Variants in OC90 observed in about 807,000 individuals in gnomAD.
OC90 encodes otoconin 90.
OC90 carries 46 observed loss-of-function variants against 47.3 expected under a neutral mutation model. The observed-to-expected ratio is 0.97, with a 90% CI of 0.77 to 1.24. The LOEUF (loss-of-function observed/expected upper bound fraction) is 1.24. OC90 is among the 50% of genes most tolerant of loss of function. The pLI, the probability that OC90 is intolerant of heterozygous loss-of-function variation, is 0.00. For synonymous variants in OC90, 271 were observed against 219.5 expected, an observed-to-expected ratio of 1.23 and a Z score of -2.07; for missense variants, 688 against 583.9, an observed-to-expected ratio of 1.18 and a Z score of -1.84.
At chr8:132,035,865 T>C (rs1161312791) in intron 9 of OC90, among the ~76,000 whole-genome samples, 2 of 152,206 alleles carry the variant, frequency 1.3e-5, no homozygotes, top group Non-Finnish European at 2.9e-5. Flanking sequence ...TCAGAGGATG[T>C]TTGTAAGGGG....
intron 3 of OC90, among the ~76,000 whole-genome samples, chr8:132,045,564 C>T (rs1482256796): frequency 1.3e-5 from 2 of 152,172 alleles, no homozygotes; most frequent in African/African-American, 4.8e-5. Context: ...CTGCCTTCTC[C>T]TGGTTTCCCT....
intron 12 of OC90, among the ~76,000 whole-genome samples, chr8:132,029,946 C>T (rs537646801): frequency 6.6e-6 from 1 of 152,216 alleles, no homozygotes; most frequent in African/African-American, 2.4e-5. Context: ...GAGGCCACAG[C>T]TCCAGCAGGG....
At chr8:132,040,116 C>T (rs557001229) in intron 6 of OC90, among the ~76,000 whole-genome samples, 1 of 152,292 alleles carries the variant, frequency 6.6e-6, no homozygotes, top group African/African-American at 2.4e-5. Flanking sequence ...GTTCACTGTG[C>T]CTCCCACCTA....
chr8:132,045,219 A>G (rs1000542189), intron 3 of OC90, among the ~76,000 whole-genome samples: 1 of 152,210 alleles, frequency 6.6e-6, no homozygotes, highest in East Asian at 1.9e-4. Context: ...ATTACTTTGC[A>G]AGTATGGACT....
At chr8:132,045,007 A>G (rs573439903) in intron 3 of OC90, among the ~76,000 whole-genome samples, 116 of 148,304 alleles carry the variant, frequency 7.8e-4, no homozygotes, top group African/African-American at 2.8e-3. Context: ...GATTGCCGTG[A>G]GGGCTACTCT....
chr8:132,031,807 G>A, intron 12 of OC90, 74 bp downstream of exon 12: 2 of 1,336,434 alleles, frequency 1.5e-6, no homozygotes, highest in Admixed American at 1.9e-5. Context: ...GTGTCCAGGA[G>A]GGCTGTCACC....
At position 132,041,508 on chromosome 8, in the gene OC90, C is replaced by G. The variant is rs1161140249; in HGVS notation, c.344+17G>C. On this transcript the variant is annotated intron_variant, in intron 5 of 13. Coordinates refer to ENST00000254627, the MANE Select transcript of OC90 (RefSeq NM_001080399.3). ...GCTCACTTTTTTTGGTCTTGCTCAC[C>G]TGTGGAACTCACTTACCTGTCAGAT... is the stretch of plus-strand genomic sequence containing the variant. 1 of 1,602,794 alleles carries G rather than the reference C, an allele frequency of 6.2e-7. No homozygotes were observed. The highest frequency in any genetic ancestry group is 1.1e-5 in the South Asian group (1 of 89,128).
chr8:132,028,629 G>A (rs1167243355), intron 13 of OC90, among the ~76,000 whole-genome samples: 20 of 102,670 alleles, frequency 1.9e-4, no homozygotes, highest in East Asian at 3.2e-4. Flanking sequence ...AAGGAAGGAA[G>A]GAAGGAAAGA....
At position 132,024,695 on chromosome 8, in the gene OC90, T is replaced by G; in HGVS notation, c.1220A>C (p.Asn407Thr). 1 of 1,613,670 alleles carries G rather than the reference T, an allele frequency of 6.2e-7. No homozygotes were observed. Among genetic ancestry groups the G allele is most frequent in the Non-Finnish European group, 8.5e-7 (1 of 1,179,808 alleles). Residue 407 changes from asparagine to threonine, a missense_variant, in exon 14 of 14, where the codon AAC becomes ACC. By Grantham distance (65) the Asn-to-Thr change is moderately conservative. Transcript: ENST00000254627. ...TCTGCTTGGGGACTTGAGGCTTTGG[T>G]TAAAGGAGGCAGAGGTCATGCACTC... ...AAECMTSASF[N>T]QSLKSPSRLG... is the part of the protein sequence containing the mutation.
intron 1 of OC90, among the ~76,000 whole-genome samples, chr8:132,055,885 A>G (rs961547155): frequency 4.6e-5 from 7 of 152,146 alleles, no homozygotes; most frequent in African/African-American, 1.7e-4. Flanking sequence ...CCAATCCATT[A>G]TATGTTTAAC....
intron 1 of OC90, among the ~76,000 whole-genome samples, chr8:132,056,883 A>G (rs1019324819): frequency 1.3e-5 from 2 of 152,190 alleles, no homozygotes; most frequent in Non-Finnish European, 2.9e-5. Flanking sequence ...CCATCACACC[A>G]TGACAGGTTG....
At chr8:132,047,321 C>T (rs912136251) in intron 2 of OC90, among the ~76,000 whole-genome samples, 11 of 130,294 alleles carry the variant, frequency 8.4e-5, no homozygotes, top group African/African-American at 2.7e-4. Flanking sequence ...TAAGTCAGCT[C>T]ACTTTTTTTT....
At chr8:132,033,352 T>C (rs577587861) in intron 10 of OC90, among the ~76,000 whole-genome samples, 188 bp from the exon 11 acceptor site, 3 of 152,336 alleles carry the variant, frequency 2.0e-5, no homozygotes, top group South Asian at 2.1e-4. Flanking sequence ...ATATTTTCTA[T>C]GATAACCTTA....
intron 13 of OC90, among the ~76,000 whole-genome samples, chr8:132,025,148 G>C (rs1822737673): frequency 6.6e-6 from 1 of 152,160 alleles, no homozygotes. Flanking sequence ...GTCATTGTCT[G>C]TTTATGTATC....
At chr8:132,047,350 AT>A (rs1464014492) in intron 2 of OC90, among the ~76,000 whole-genome samples, 3 of 152,004 alleles carry the variant, frequency 2.0e-5, no homozygotes, top group Non-Finnish European at 4.4e-5. Flanking sequence ...GGAGAATTTG[AT>A]TTACTTTTCA....
At chr8:132,044,830 C>G (rs1457565157) in intron 3 of OC90, among the ~76,000 whole-genome samples, 2 of 152,148 alleles carry the variant, frequency 1.3e-5, no homozygotes, top group Non-Finnish European at 2.9e-5. Context: ...AACGGTCATC[C>G]TACTGGGTGT....
At chr8:132,054,019 G>GT (rs1023514237) in intron 2 of OC90, among the ~76,000 whole-genome samples, 1 of 152,172 alleles carries the variant, frequency 6.6e-6, no homozygotes, top group African/African-American at 2.4e-5. Flanking sequence ...GCATTGTCTT[G>GT]TATCTGACTC....
chr8:132,045,883 C>T lies in OC90; in HGVS notation c.47G>A (p.Gly16Glu). Residue 16 changes from glycine to glutamate, a missense_variant and splice_region_variant, in exon 3 of 14, where the codon GGA (glycine) becomes GAA (glutamate). Transcript: ENST00000254627. The part of the protein sequence containing the change: ...LTSVLMIPHA[G>E]GHPLDTPHLP... ...ATGTGGAGTGTCCAGAGGATGGCCT[C>T]CTATAAATAAGGAAGAGAAAGTAGG... The T allele has an allele frequency of 2.0e-6, 3 of 1,532,642 alleles. No individual in the cohort carries two copies. The highest frequency in any genetic ancestry group is 1.8e-6 in the Non-Finnish European group (2 of 1,129,794). The allele number at this position is 1,532,642 out of a possible 1,614,324, so 94.9% of individuals were successfully genotyped here.
intron 2 of OC90, among the ~76,000 whole-genome samples, chr8:132,053,438 A>C (rs1306409043): frequency 6.6e-6 from 1 of 152,170 alleles, no homozygotes; most frequent in African/African-American, 2.4e-5. Context: ...CACACCATCA[A>C]ATGGCCAGTG....
Sources: gnomAD v4.1 joint callset for allele counts (sites outside exome capture counted in the v4.1 genomes callset) on GRCh38, gnomAD v4.1.1 for gene constraint, MANE v1.5 for transcripts, NCBI Gene and HGNC (gene_info 2026-07-23, HGNC 2026-07-21) for gene names.